The following ST7 variants were observed in gnomAD, a reference collection of about 807,000 sequenced individuals.
The protein encoded by ST7 is suppression of tumorigenicity 7, also known as suppressor of tumorigenicity 7 protein.
A neutral mutation model predicts 78.7 loss-of-function variants in ST7; 28 were observed. The ratio of observed to expected loss-of-function variants is 0.36; its 90% CI spans 0.26 to 0.49. ST7 has a LOEUF of 0.49. Among genes scored for constraint, ST7 ranks in the 20% least tolerant of loss-of-function variants. The probability of loss-of-function intolerance (pLI) is 0.99; values close to 1 mark genes in which losing one functional copy is unlikely to be tolerated. For missense variants in ST7, 418 were observed against 696.0 expected (o/e 0.60, Z 4.49); for synonymous variants, 247 against 249.6 (o/e 0.99, Z 0.10).
intron 1 of ST7, among the ~76,000 whole-genome samples, chr7:116,989,264 G>A (rs1363400804): frequency 2.0e-5 from 3 of 152,160 alleles, no homozygotes; most frequent in African/African-American, 7.2e-5. Flanking sequence ...CACATTTCAA[G>A]TGCTCAGTAG....
chr7:117,140,757 C>T (rs2117085957), intron 9 of ST7, among the ~76,000 whole-genome samples: 1 of 152,176 alleles, frequency 6.6e-6, no homozygotes, highest in African/African-American at 2.4e-5. Flanking sequence ...ACATGTGCTC[C>T]TTTTTCTGGG....
chr7:117,104,515 T>C lies in ST7; in HGVS notation c.234+4671T>C, dbSNP rs775493404. 3.5e-4 allele frequency among the ~76,000 whole-genome samples: 53 copies of C among 152,316 alleles called. No homozygotes were observed. In the Middle Eastern group the frequency reaches 0.01, roughly 29 times the overall value. On this transcript the variant is annotated intron_variant, in intron 2 of 15. Transcript: ENST00000323984. ...TGGAGAAAGGGGTACTCTTGTACAC[T>C]GTTGGTGGGATTGTAAATTAGTACA...
At chr7:117,194,776 C>T (rs1287744415) in intron 12 of ST7, among the ~76,000 whole-genome samples, 1 of 152,204 alleles carries the variant, frequency 6.6e-6, no homozygotes, top group African/African-American at 2.4e-5. Flanking sequence ...TGCATGCTCA[C>T]TCTGCTCTTC....
intron 1 of ST7, among the ~76,000 whole-genome samples, chr7:116,976,096 A>G (rs1227575300): frequency 6.6e-6 from 1 of 152,002 alleles, no homozygotes; most frequent in Non-Finnish European, 1.5e-5. Context: ...CCCCTTCTCT[A>G]CTAAAACATA....
intron 7 of ST7, 52 bp downstream of exon 7, chr7:117,134,244 G>C (rs367639019): frequency 6.2e-7 from 1 of 1,608,248 alleles, no homozygotes; most frequent in Admixed American, 1.7e-5. Flanking sequence ...GAGACTTCTA[G>C]TGGATATCTG....
Position 117,039,596 on chromosome 7 carries a change from A to T in ST7, c.152-60166A>T, listed in dbSNP as rs577322280. ...CTGTAAAAGCAAAAAAAAAAAAAAA[A>T]TTTTATCCAAACTCTGAATTTGTAA... On this transcript the variant is annotated intron_variant, in intron 1 of 15. Transcript: ENST00000323984. Among the ~76,000 whole-genome samples, 12 of 151,812 alleles carry T rather than the reference A, an allele frequency of 7.9e-5. No individual in the cohort carries two copies. In the South Asian group the frequency reaches 1.0e-3, roughly 13 times the overall value.
chr7:117,050,393 A>G (rs572528469), intron 1 of ST7, among the ~76,000 whole-genome samples: 213 of 152,314 alleles, frequency 1.4e-3, no homozygotes, highest in Non-Finnish European at 1.5e-3. Context: ...TGGCTACGAA[A>G]TTATTACAGT....
intron 1 of ST7, chr7:116,965,956 G>T (rs1480371159): frequency 3.0e-6 from 1 of 338,920 alleles, no homozygotes; most frequent in Non-Finnish European, 6.0e-6. Flanking sequence ...TAGTTGTATA[G>T]TAGTGGTCAC....
chr7:117,041,877 A>T (rs1375268108), intron 1 of ST7, among the ~76,000 whole-genome samples: 1 of 152,194 alleles, frequency 6.6e-6, no homozygotes, highest in Non-Finnish European at 1.5e-5. Context: ...TAAAATATGG[A>T]CATTATGCTG....
intron 10 of ST7, among the ~76,000 whole-genome samples, chr7:117,181,844 T>C (rs753662950): frequency 2.0e-5 from 3 of 152,208 alleles, no homozygotes; most frequent in Non-Finnish European, 4.4e-5. Context: ...GTTTATCTTA[T>C]TAGTGTAAAT....
intron 1 of ST7, among the ~76,000 whole-genome samples, chr7:117,084,013 A>G (rs1385372289): frequency 6.6e-6 from 1 of 152,252 alleles, no homozygotes; most frequent in Non-Finnish European, 1.5e-5. Flanking sequence ...ACATCCAAAT[A>G]CTTGAGTCTG....
chr7:117,027,955 G>T (rs1796294148), intron 1 of ST7, among the ~76,000 whole-genome samples: 1 of 152,124 alleles, frequency 6.6e-6, no homozygotes, highest in Admixed American at 6.6e-5. Flanking sequence ...TGATGTGTGG[G>T]CTTGTAGGGT....
intron 1 of ST7, chr7:116,967,348 A>G: frequency 2.1e-6 from 1 of 470,962 alleles, no homozygotes; most frequent in Non-Finnish European, 4.4e-6. Flanking sequence ...CACTTGCGCT[A>G]CTCTCACTTC....
intron 12 of ST7, among the ~76,000 whole-genome samples, chr7:117,204,381 G>A (rs1191444693): frequency 6.6e-6 from 1 of 152,156 alleles, no homozygotes; most frequent in Non-Finnish European, 1.5e-5. Context: ...GTTTTACAGA[G>A]GAGCAAACTG....
intron 1 of ST7, among the ~76,000 whole-genome samples, chr7:117,027,463 A>AAAGTAAAGT (rs61692677): frequency 1.4e-4 from 19 of 140,726 alleles, no homozygotes; most frequent in Admixed American, 6.3e-4. Context: ...AAAGTAAAGT[A>AAAGTAAAGT]AAAGTAAAGT....
At chr7:117,038,142 A>T (rs888031164) in intron 1 of ST7, among the ~76,000 whole-genome samples, 1 of 152,208 alleles carries the variant, frequency 6.6e-6, no homozygotes, top group African/African-American at 2.4e-5. Context: ...CTCCCAGTAC[A>T]CTAAATAAAG....
intron 15 of ST7, among the ~76,000 whole-genome samples, chr7:117,225,377 G>C (rs1041416203): frequency 2.0e-5 from 3 of 152,168 alleles, no homozygotes; most frequent in Non-Finnish European, 4.4e-5. Context: ...ATGTACTTTA[G>C]ATAAGTTTGC....
At chr7:117,193,957 CT>C (rs773708660) in intron 12 of ST7, among the ~76,000 whole-genome samples, 3 of 152,220 alleles carry the variant, frequency 2.0e-5, no homozygotes, top group Admixed American at 1.3e-4. Flanking sequence ...AGTCATTTAC[CT>C]TCGGAGGGCT....
intron 10 of ST7, among the ~76,000 whole-genome samples, chr7:117,188,000 T>C (rs980058302): frequency 2.6e-5 from 4 of 152,188 alleles, no homozygotes; most frequent in Non-Finnish European, 5.9e-5. Context: ...AGTATGTATG[T>C]GGTGGTGACA....
Sources: allele counts gnomAD v4.1 joint callset (sites outside exome capture counted in the v4.1 genomes callset), GRCh38; gene constraint gnomAD v4.1.1; transcripts MANE v1.5; gene names NCBI Gene and HGNC (gene_info 2026-07-23, HGNC 2026-07-21).